Variants in SPOP observed in about 807,000 individuals in gnomAD.
SPOP encodes the protein speckle-type POZ protein.
In SPOP, 11 loss-of-function variants were observed where a neutral mutation model predicts 45.6. That is an observed-to-expected ratio of 0.24 (90% confidence interval 0.15 to 0.40). The LOEUF (loss-of-function observed/expected upper bound fraction) is 0.40, where lower values mean the gene tolerates loss of function less well. SPOP is among the 10% of genes least tolerant of loss of function. The pLI is 1.00. For missense variants in SPOP, 152 were observed against 465.6 expected (o/e 0.33, Z 6.20); for synonymous variants, 166 against 166.3 (o/e 1.00, Z 0.01).
chr17:49,654,953 C>T (rs565521041), intron 1 of SPOP, among the ~76,000 whole-genome samples: 4 of 152,108 alleles, frequency 2.6e-5, no homozygotes, highest in Non-Finnish European at 5.9e-5. Flanking sequence ...TAAGACTCCA[C>T]CAAGTTAACA....
intron 1 of SPOP, among the ~76,000 whole-genome samples, chr17:49,628,485 T>C (rs1441203446): frequency 6.6e-6 from 1 of 151,726 alleles, no homozygotes; most frequent in African/African-American, 2.4e-5. Context: ...GCCAACAATA[T>C]AATTTCTAAC....
At chr17:49,666,491 A>ACACC (rs1555584265) in intron 1 of SPOP, among the ~76,000 whole-genome samples, 4 of 141,064 alleles carry the variant, frequency 2.8e-5, no homozygotes, top group Admixed American at 7.2e-5. Context: ...ACACACACAC[A>ACACC]CACCCATATA....
chr17:49,658,426 G>A (rs768103070), intron 1 of SPOP, among the ~76,000 whole-genome samples: 2 of 152,098 alleles, frequency 1.3e-5, no homozygotes, highest in Non-Finnish European at 2.9e-5. Flanking sequence ...AAGGATTCAT[G>A]TGGAGTGCAT....
chr17:49,677,875 G>GC (rs753109561), intron 1 of SPOP, 58 bp downstream of exon 1: 3,562 of 338,082 alleles, frequency 0.011, 98 homozygotes, highest in Admixed American at 0.014. Flanking sequence ...TCAGGGAGGT[G>GC]CCCCCCCCCC....
intron 1 of SPOP, among the ~76,000 whole-genome samples, chr17:49,629,833 A>G (rs2072415768): frequency 6.6e-6 from 1 of 152,252 alleles, no homozygotes; most frequent in Non-Finnish European, 1.5e-5. Flanking sequence ...AATCTCATAC[A>G]TGATATCTAT....
chr17:49,669,359 G>A (rs1393874328), intron 1 of SPOP, among the ~76,000 whole-genome samples: 4 of 146,754 alleles, frequency 2.7e-5, no homozygotes, highest in Non-Finnish European at 5.9e-5. Context: ...GAGCCACCAC[G>A]CCCAGCCTAA....
intron 1 of SPOP, among the ~76,000 whole-genome samples, chr17:49,630,089 T>G (rs1253930474): frequency 6.6e-6 from 1 of 152,122 alleles, no homozygotes; most frequent in African/African-American, 2.4e-5. Flanking sequence ...CTTTGTACAG[T>G]TTCCAAGTAA....
chr17:49,667,356 A>G (rs1305961603), intron 1 of SPOP, among the ~76,000 whole-genome samples: 3 of 150,964 alleles, frequency 2.0e-5, no homozygotes, highest in Admixed American at 6.6e-5. Context: ...TTGGTAGGCC[A>G]AGGCGGGCGG....
At chr17:49,633,618 AAC>A (rs2072491792) in intron 1 of SPOP, among the ~76,000 whole-genome samples, 1 of 152,210 alleles carries the variant, frequency 6.6e-6, no homozygotes, top group African/African-American at 2.4e-5. Flanking sequence ...TCCACTATGT[AAC>A]AGTTATTGAT....
At chr17:49,626,365 GA>G (rs1239658119) in intron 1 of SPOP, among the ~76,000 whole-genome samples, 1 of 151,752 alleles carries the variant, frequency 6.6e-6, no homozygotes, top group Non-Finnish European at 1.5e-5. Context: ...AGTATTTTTG[GA>G]ATCTGCCTCA....
In SPOP at chr17:49,657,943, C is replaced by T. The variant is rs1481090117; in HGVS notation, c.-67+19990G>A. On this transcript the variant is annotated intron_variant, in intron 1 of 9. Transcript: ENST00000504102. ...GTCTCAATCTCCTGACCTCATGATCCGCCCACCTCAGCCTCCCAAAGTGCT... is the reference window on the plus strand; with the variant it reads ...GTCTCAATCTCCTGACCTCATGATCTGCCCACCTCAGCCTCCCAAAGTGCT... Among the ~76,000 whole-genome samples the T allele has an allele frequency of 3.3e-5, 5 of 151,976 alleles. No homozygotes were observed. In the East Asian group the frequency reaches 7.7e-4, roughly 23 times the overall value.
chr17:49,673,590 T>G (rs1430354293), intron 1 of SPOP, among the ~76,000 whole-genome samples: 1 of 152,180 alleles, frequency 6.6e-6, no homozygotes, highest in Non-Finnish European at 1.5e-5. Flanking sequence ...ATCTAAGTGA[T>G]GGATATAAAG....
Position 49,619,450 on chromosome 17 carries a change from A to G in SPOP, c.201-65T>C, listed in dbSNP as rs1387479752. 2 of 1,526,362 alleles carry G rather than the reference A, an allele frequency of 1.3e-6. No individual in the cohort carries two copies. The highest frequency in any genetic ancestry group is 1.8e-6 in the Non-Finnish European group (2 of 1,132,938). The allele number at this position is 1,526,362 out of a possible 1,614,324, so 94.6% of individuals were successfully genotyped here. Reference sequence around the variant, plus strand: ...CCATTTTGATAGAACTGGAAATCAGACTCAAGAGAGGGAGATGTTTAAAAA... The same window carrying G: ...CCATTTTGATAGAACTGGAAATCAGGCTCAAGAGAGGGAGATGTTTAAAAA... On this transcript the variant is annotated intron_variant, in intron 3 of 9. Coordinates refer to ENST00000504102, the MANE Select transcript of SPOP (RefSeq NM_001007228.2). This position sits in a 1 kb window ranked among gnomAD's most constrained non-coding sequence, Gnocchi z 4.9.
intron 1 of SPOP, among the ~76,000 whole-genome samples, chr17:49,624,314 C>T (rs2072279190): frequency 8.8e-6 from 1 of 113,734 alleles, no homozygotes; most frequent in Non-Finnish European, 1.8e-5. Flanking sequence ...CGGGAACACA[C>T]ACACACGCGC....
chr17:49,653,862 A>C (rs1892218268), intron 1 of SPOP, among the ~76,000 whole-genome samples: 1 of 151,014 alleles, frequency 6.6e-6, no homozygotes, highest in Non-Finnish European at 1.5e-5. Context: ...AATAGATATG[A>C]TATGTGGTAC....
intron 1 of SPOP, among the ~76,000 whole-genome samples, chr17:49,673,794 T>C (rs1298363047): frequency 6.6e-6 from 1 of 152,204 alleles, no homozygotes; most frequent in East Asian, 1.9e-4. Context: ...GTTCCAGTTC[T>C]GTTTTCTAAT....
chr17:49,645,963 A>C (rs1002789752), intron 1 of SPOP, among the ~76,000 whole-genome samples: 1 of 152,056 alleles, frequency 6.6e-6, no homozygotes, highest in Non-Finnish European at 1.5e-5. Flanking sequence ...TCACTTCTTA[A>C]AGGAAAAGAT....
chr17:49,659,942 AC>A (rs1425492783), intron 1 of SPOP, among the ~76,000 whole-genome samples: 3 of 151,658 alleles, frequency 2.0e-5, no homozygotes, highest in African/African-American at 7.3e-5. Flanking sequence ...CTCTTCCTCA[AC>A]CCCCACACTC....
intron 1 of SPOP, among the ~76,000 whole-genome samples, chr17:49,657,950 C>T (rs1410327339): frequency 6.6e-6 from 1 of 152,072 alleles, no homozygotes; most frequent in Admixed American, 6.5e-5. Flanking sequence ...ATCCGCCCAC[C>T]TCAGCCTCCC....
Sources: gnomAD v4.1 joint callset for allele counts (sites outside exome capture counted in the v4.1 genomes callset) on GRCh38, gnomAD v4.1.1 for gene constraint, Gnocchi (gnomAD v3.1) non-coding constraint, MANE v1.5 for transcripts, NCBI Gene and HGNC (gene_info 2026-07-23, HGNC 2026-07-21) for gene names.